APBA1: variants seen among roughly 807,000 people sequenced by gnomAD.
APBA1 encodes amyloid beta precursor protein binding family A member 1, also known as amyloid-beta A4 precursor protein-binding family A member 1.
A neutral mutation model predicts 86.6 loss-of-function variants in APBA1; 55 were observed. The ratio of observed to expected loss-of-function variants is 0.64; its 90% CI spans 0.51 to 0.80. The LOEUF is 0.80. Among genes scored for constraint, APBA1 ranks in the 30% least tolerant of loss-of-function variants. The probability of loss-of-function intolerance (pLI) is 0.00; values close to 1 mark genes in which losing one functional copy is unlikely to be tolerated. For missense variants in APBA1, 1,090 were observed against 1,183.0 expected (o/e 0.92, Z 1.15); for synonymous variants, 511 against 493.9 (o/e 1.03, Z -0.46).
chr9:69,490,941 A>C (rs1315714616), intron 2 of APBA1, among the ~76,000 whole-genome samples: 1 of 152,140 alleles, frequency 6.6e-6, no homozygotes, highest in Non-Finnish European at 1.5e-5. Flanking sequence ...CGATCACTAA[A>C]AAGTCAGGAA....
At chr9:69,588,203 T>TG (rs1430283062) in intron 1 of APBA1, among the ~76,000 whole-genome samples, 1 of 151,944 alleles carries the variant, frequency 6.6e-6, no homozygotes, top group Non-Finnish European at 1.5e-5. Flanking sequence ...TCCCATTAGA[T>TG]GAAATATCTA....
At chr9:69,549,038 A>T (rs1453166505) in intron 1 of APBA1, among the ~76,000 whole-genome samples, 1 of 152,222 alleles carries the variant, frequency 6.6e-6, no homozygotes, top group Admixed American at 6.5e-5. Flanking sequence ...CATGCAGGGA[A>T]ATCACAGGGA....
chr9:69,636,323 T>C (rs556886177), intron 1 of APBA1, among the ~76,000 whole-genome samples: 12 of 152,336 alleles, frequency 7.9e-5, no homozygotes, highest in East Asian at 5.8e-4. Context: ...ACAGCCACTA[T>C]GGAGAACAGT....
At chr9:69,504,529 T>C (rs1835924285) in intron 2 of APBA1, among the ~76,000 whole-genome samples, 2 of 152,078 alleles carry the variant, frequency 1.3e-5, no homozygotes, top group Admixed American at 1.3e-4. Flanking sequence ...GTACTTATGA[T>C]GCAAGAGCCG....
intron 1 of APBA1, among the ~76,000 whole-genome samples, chr9:69,538,471 G>A (rs1462973358): frequency 1.3e-5 from 2 of 152,142 alleles, no homozygotes; most frequent in African/African-American, 2.4e-5. Context: ...GTGCTTTCCT[G>A]GCCCTAACAC....
At chr9:69,469,754 T>C (rs1012346347) in intron 4 of APBA1, among the ~76,000 whole-genome samples, 11 of 152,228 alleles carry the variant, frequency 7.2e-5, no homozygotes, top group Non-Finnish European at 2.9e-5. Context: ...TTACACTTTA[T>C]ATAAAGTAAA....
At chr9:69,523,477 G>GTATATATA (rs1163577400) in intron 1 of APBA1, among the ~76,000 whole-genome samples, 104 of 80,586 alleles carry the variant, frequency 1.3e-3, no homozygotes, top group Non-Finnish European at 1.5e-3. Context: ...ATATATATAT[G>GTATATATA]TATATATATA....
At chr9:69,545,651 G>T in intron 1 of APBA1, among the ~76,000 whole-genome samples, 1 of 152,180 alleles carries the variant, frequency 6.6e-6, no homozygotes, top group Admixed American at 6.5e-5. Flanking sequence ...TGATGTCAGA[G>T]CCTGAGCCTA....
chr9:69,562,922 ATTATTTCAACAT>A (rs1221122885), intron 1 of APBA1, among the ~76,000 whole-genome samples: 1 of 152,242 alleles, frequency 6.6e-6, no homozygotes, highest in Non-Finnish European at 1.5e-5. Context: ...ACAGAAAATA[ATTATTTCAACAT>A]TCACTATCAC....
rs560465505 is a variant in APBA1 at position 69,492,760 on chromosome 9, C to T, written c.1201-16617G>A. On this transcript the variant is annotated intron_variant, in intron 2 of 12. Coordinates refer to ENST00000265381, the MANE Select transcript of APBA1 (RefSeq NM_001163.4). ...GTTAATTTATAGCATAGTTCACACA[C>T]GGCCTTGGCACACTGCTGATTAGGA... 3.3e-5 allele frequency among the ~76,000 whole-genome samples: 5 copies of T among 152,070 alleles called. 1 individual carries two copies. Among genetic ancestry groups the T allele is most frequent in the Non-Finnish European group, 5.9e-5 (4 of 68,016 alleles).
intron 1 of APBA1, among the ~76,000 whole-genome samples, chr9:69,657,199 G>A (rs1160625334): frequency 6.6e-6 from 1 of 152,226 alleles, no homozygotes; most frequent in Non-Finnish European, 1.5e-5. Context: ...GGGAAGAGAA[G>A]ACAAGTCTGT....
At chr9:69,490,288 C>T (rs1347446563) in intron 2 of APBA1, among the ~76,000 whole-genome samples, 1 of 150,956 alleles carries the variant, frequency 6.6e-6, no homozygotes, top group Non-Finnish European at 1.5e-5. Context: ...AACACATGGA[C>T]ACAGGAAGGG....
chr9:69,455,055 G>C (rs544398608), intron 8 of APBA1, among the ~76,000 whole-genome samples: 1 of 152,100 alleles, frequency 6.6e-6, no homozygotes, highest in Admixed American at 6.5e-5. Context: ...CCACAGCCAC[G>C]ACAGCTCTGG....
rs895068834 is a variant in APBA1, at chr9:69,672,144, C to T, written c.-70+9G>A. 6.5e-6 allele frequency: 1 copy of T among 153,946 alleles called. No homozygotes were observed. The highest frequency in any genetic ancestry group is 1.5e-5 in the Non-Finnish European group (1 of 68,592). The allele number at this position is 153,946 out of a possible 1,614,324, so 9.5% of individuals were successfully genotyped here. A position where few individuals can be genotyped will look rare whatever the true frequency, so the allele number is the denominator to read the frequency against. On this transcript the variant is annotated intron_variant, in intron 1 of 12. Transcript: ENST00000265381. Reference sequence around the variant, plus strand: ...CCCCTTCTCACCCACCCCTCCCTGGCTGTGGTACCTTGCCTGACAGCTGGG... The same window carrying T: ...CCCCTTCTCACCCACCCCTCCCTGGTTGTGGTACCTTGCCTGACAGCTGGG...
intron 1 of APBA1, among the ~76,000 whole-genome samples, chr9:69,523,477 G>GTGTATA (rs1401271927): frequency 5.0e-5 from 4 of 80,634 alleles, no homozygotes; most frequent in African/African-American, 2.2e-4. Context: ...ATATATATAT[G>GTGTATA]TATATATATA....
rs1836174314 is a variant in APBA1, at chr9:69,517,069, C to G, written c.142G>C (p.Val48Leu). The change falls in exon 2 of 13, where the codon GTG becomes CTG. Residue 48 changes from valine to leucine, a missense_variant. By Grantham distance (32) the Val-to-Leu change is conservative (BLOSUM62 1). Around this residue, in one of 6 missense-constraint regions of APBA1, gnomAD observed 678 missense variants for 647.1 expected, o/e 1.05. Transcript: ENST00000265381. Reference sequence around the variant, plus strand: ...GCTCGCCCGCGCTGGTGGCGGCCCACATAGTGCTGCTGCTGCGGCGGCTGC... The same window carrying G: ...GCTCGCCCGCGCTGGTGGCGGCCCAGATAGTGCTGCTGCTGCGGCGGCTGC... Reference protein sequence around the residue: ...QQQPPQQQHYVGRHQRGRALE... With the variant: ...QQQPPQQQHYLGRHQRGRALE... 3.8e-6 allele frequency: 6 copies of G among 1,585,330 alleles called. No individual in the cohort carries two copies. The highest frequency in any genetic ancestry group is 5.1e-6 in the Non-Finnish European group (6 of 1,171,570).
chr9:69,486,738 G>A (rs1835615483), intron 2 of APBA1, among the ~76,000 whole-genome samples: 1 of 152,096 alleles, frequency 6.6e-6, no homozygotes, highest in South Asian at 2.1e-4. Context: ...TGGCAGGTGA[G>A]AAATGAGGCT....
chr9:69,500,959 A>G (rs982724522), intron 2 of APBA1, among the ~76,000 whole-genome samples: 9 of 152,152 alleles, frequency 5.9e-5, no homozygotes, highest in African/African-American at 1.9e-4. Context: ...CCCAGGTCAC[A>G]AAAAGTCTAT....
At chr9:69,626,239 A>G (rs970695187) in intron 1 of APBA1, among the ~76,000 whole-genome samples, 8 of 152,182 alleles carry the variant, frequency 5.3e-5, no homozygotes, top group African/African-American at 1.9e-4. Context: ...AGCATGGACC[A>G]AAAAGTAAAC....
Sources: allele counts gnomAD v4.1 joint callset (sites outside exome capture counted in the v4.1 genomes callset), GRCh38; gene constraint gnomAD v4.1.1; regional missense constraint gnomAD v4.1.1; transcripts MANE v1.5; gene names NCBI Gene and HGNC (gene_info 2026-07-23, HGNC 2026-07-21).